The following LANCL3 variants were observed in gnomAD, a reference collection of about 807,000 sequenced individuals.
The protein encoded by LANCL3 is lanC-like protein 3.
LANCL3 carries 19 observed loss-of-function variants against 26.5 expected under a neutral mutation model. The observed-to-expected ratio is 0.72, with a 90% confidence interval of 0.50 to 1.05. The LOEUF (loss-of-function observed/expected upper bound fraction) is 1.05. Ranked by LOEUF, LANCL3 falls within the 50% of genes least tolerant of loss-of-function variation. The probability of loss-of-function intolerance (pLI) is 0.00; values close to 1 mark genes in which losing one functional copy is unlikely to be tolerated. For missense variants in LANCL3, 318 were observed against 362.7 expected, an observed-to-expected ratio of 0.88 and a Z score of 1.00; for synonymous variants, 160 against 166.6, an observed-to-expected ratio of 0.96 and a Z score of 0.30.
chrX:37,641,475 A>T (rs181158765), intron 1 of LANCL3, among the ~76,000 whole-genome samples: 78 of 110,506 alleles, frequency 7.1e-4, no homozygotes, highest in African/African-American at 1.4e-3. Flanking sequence ...TTATACACAG[A>T]AAAGGTACCA....
intron 1 of LANCL3, among the ~76,000 whole-genome samples, chrX:37,574,092 A>C (rs782109557): frequency 9.4e-6 from 1 of 106,430 alleles, no homozygotes; most frequent in Admixed American, 9.9e-5. Flanking sequence ...ACCACCACCA[A>C]CAAAAACAGG....
intron 1 of LANCL3, among the ~76,000 whole-genome samples, chrX:37,640,066 C>A (rs1925823246): frequency 8.9e-6 from 1 of 111,911 alleles, no homozygotes; most frequent in Non-Finnish European, 1.9e-5. Context: ...AAAATAATAA[C>A]AAATTATGGA....
chrX:37,639,163 T>TTA (rs1175605351), intron 1 of LANCL3, among the ~76,000 whole-genome samples: 1 of 103,934 alleles, frequency 9.6e-6, no homozygotes, highest in African/African-American at 3.5e-5. Flanking sequence ...GATATCCATA[T>TTA]TATATATATA....
intron 4 of LANCL3, among the ~76,000 whole-genome samples, chrX:37,673,869 A>G (rs1256564575): frequency 8.9e-6 from 1 of 111,858 alleles, no homozygotes; most frequent in Non-Finnish European, 1.9e-5. Context: ...GGTTTCTTTT[A>G]TACTATGATT....
rs781952702 is a variant in LANCL3 at position 37,681,551 on chromosome X, G to T, written c.*5738G>T. ...ATGCAGCCCAGCAGTACCATGAGCT[G>T]CCCTGTGGAAAAATTTAATCTGTGA... On this transcript the variant is annotated 3_prime_UTR_variant, in exon 5 of 5. Coordinates refer to ENST00000378619, the MANE Select transcript of LANCL3 (RefSeq NM_001170331.2). 7.4e-4 allele frequency: 83 copies of T among 112,104 alleles called. No homozygotes were observed. Among genetic ancestry groups the T allele is most frequent in the African/African-American group, 2.6e-3 (79 of 30,871 alleles). The allele number at this position is 112,104 out of a possible 1,213,427, so 9.2% of individuals were successfully genotyped here. A position where few individuals can be genotyped will look rare whatever the true frequency, so the allele number is the denominator to read the frequency against.
At chrX:37,622,324 C>T (rs1299963100) in intron 1 of LANCL3, among the ~76,000 whole-genome samples, 5 of 110,747 alleles carry the variant, frequency 4.5e-5, no homozygotes, top group Non-Finnish European at 9.4e-5. Flanking sequence ...TGTGTCTTCT[C>T]TGGCATTTCC....
intron 3 of LANCL3, among the ~76,000 whole-genome samples, chrX:37,666,737 G>C (rs1926554978): frequency 8.9e-6 from 1 of 112,105 alleles, no homozygotes; most frequent in Non-Finnish European, 1.9e-5. Context: ...AGCTAAAGTA[G>C]AAGTCTTGGC....
chrX:37,632,425 T>C (rs1159674516), intron 1 of LANCL3, among the ~76,000 whole-genome samples: 4 of 111,643 alleles, frequency 3.6e-5, no homozygotes, highest in African/African-American at 1.3e-4. Flanking sequence ...AGTCTGTGTC[T>C]TTTAATTGGA....
chrX:37,573,064 T>A (rs1923649334), intron 1 of LANCL3, among the ~76,000 whole-genome samples: 2 of 112,840 alleles, frequency 1.8e-5, no homozygotes, highest in Admixed American at 1.9e-4. Context: ...TGTGGTTGAA[T>A]GTGCATTATT....
intron 1 of LANCL3, among the ~76,000 whole-genome samples, chrX:37,581,326 G>A (rs1243873527): frequency 8.9e-6 from 1 of 112,196 alleles, no homozygotes; most frequent in Non-Finnish European, 1.9e-5. Context: ...CTCCTTGTAG[G>A]TTTAAGGGAT....
At chrX:37,665,417 T>C (rs782084066) in intron 3 of LANCL3, among the ~76,000 whole-genome samples, 3 of 111,956 alleles carry the variant, frequency 2.7e-5, no homozygotes, top group Non-Finnish European at 5.6e-5. Context: ...TGGAATTCTC[T>C]ATGTATCCTT....
rs1409452359 is a variant in LANCL3 at position 37,616,977 on chromosome X, A to G, written c.574-38711A>G. Among the ~76,000 whole-genome samples, 3 of 112,001 alleles carry G rather than the reference A, an allele frequency of 2.7e-5. No homozygotes were observed. In the East Asian group the frequency reaches 8.4e-4, roughly 31 times the overall value. ...TAAAACTTAAAAGTGCTCTTTTGAA[A>G]GATCACTTCTATCAGAGGAAGAACA... On this transcript the variant is annotated intron_variant, in intron 1 of 4. Coordinates refer to ENST00000378619, the MANE Select transcript of LANCL3 (RefSeq NM_001170331.2).
intron 1 of LANCL3, among the ~76,000 whole-genome samples, chrX:37,652,496 C>T (rs1376319406): frequency 1.8e-5 from 2 of 111,851 alleles, no homozygotes; most frequent in African/African-American, 6.5e-5. Context: ...CAAACCACCT[C>T]AGATTTGCTT....
At chrX:37,674,589 G>A (rs1224536007) in intron 4 of LANCL3, among the ~76,000 whole-genome samples, 6 of 111,247 alleles carry the variant, frequency 5.4e-5, no homozygotes, top group Non-Finnish European at 1.1e-4. Context: ...TAACTCTTAC[G>A]ATGCATTAAT....
rs149387975 is a variant in LANCL3 at position 37,590,086 on chromosome X, A to G, written c.573+17643A>G. On this transcript the variant is annotated intron_variant, in intron 1 of 4. Transcript: ENST00000378619. Reference sequence around the variant, plus strand: ...CTCTGATTTGTGCTTCTTGGAGTAAATCACCTGATTGGCTTGAAGATACTG... The same window carrying G: ...CTCTGATTTGTGCTTCTTGGAGTAAGTCACCTGATTGGCTTGAAGATACTG... Among the ~76,000 whole-genome samples, 757 of 112,728 alleles carry G rather than the reference A, an allele frequency of 6.7e-3. 4 individuals carry two copies. Among genetic ancestry groups the G allele is most frequent in the African/African-American group, 0.023 (703 of 31,047 alleles).
At chrX:37,609,555 A>G (rs1374274450) in intron 1 of LANCL3, among the ~76,000 whole-genome samples, 3 of 112,014 alleles carry the variant, frequency 2.7e-5, no homozygotes, top group African/African-American at 9.7e-5. Flanking sequence ...AGATTGGACC[A>G]CATGGGTCCT....
rs1452041525 is a variant in LANCL3 at position 37,679,026 on chromosome X, G to A, written c.*3213G>A. On this transcript the variant is annotated 3_prime_UTR_variant, in exon 5 of 5. Coordinates refer to ENST00000378619, the MANE Select transcript of LANCL3 (RefSeq NM_001170331.2). ...ACAATTAAAAGGAAAACCATTAGTG[G>A]TGCAAAGAGCCCTGTGCTGGAAATC... The A allele has an allele frequency of 9.0e-6, 1 of 111,538 alleles. No homozygotes were observed. Among genetic ancestry groups the A allele is most frequent in the African/African-American group, 3.3e-5 (1 of 30,700 alleles). 9.2% of individuals were successfully genotyped at this position (111,538 alleles called of 1,213,427 possible).
At chrX:37,652,825 A>G (rs1300040220) in intron 1 of LANCL3, among the ~76,000 whole-genome samples, 4 of 111,792 alleles carry the variant, frequency 3.6e-5, no homozygotes, top group African/African-American at 1.3e-4. Flanking sequence ...GTGGAGGGAT[A>G]TTTGAGAAAG....
intron 1 of LANCL3, among the ~76,000 whole-genome samples, chrX:37,634,453 C>T (rs1437527380): frequency 8.9e-6 from 1 of 112,896 alleles, no homozygotes; most frequent in African/African-American, 3.2e-5. Flanking sequence ...ACCCACTGTC[C>T]TGCGCCCACT....
Sources: allele counts gnomAD v4.1 joint callset (sites outside exome capture counted in the v4.1 genomes callset), GRCh38; gene constraint gnomAD v4.1.1; transcripts MANE v1.5; gene names NCBI Gene and HGNC (gene_info 2026-07-23, HGNC 2026-07-21).